The following THSD7B variants were observed in gnomAD, a reference collection of about 807,000 sequenced individuals.
The protein encoded by THSD7B is thrombospondin type-1 domain-containing protein 7B.
THSD7B carries 138 observed loss-of-function variants against 213.6 expected under a neutral mutation model. The observed-to-expected ratio is 0.65, with a 90% CI of 0.56 to 0.74. THSD7B has a LOEUF of 0.74. Ranked by LOEUF, THSD7B falls within the 30% of genes least tolerant of loss-of-function variation. The pLI is 0.00. For missense variants in THSD7B, 1,931 were observed against 1,991.5 expected, an observed-to-expected ratio of 0.97 and a Z score of 0.58; for synonymous variants, 742 against 687.0, an observed-to-expected ratio of 1.08 and a Z score of -1.25.
intron 15 of THSD7B, among the ~76,000 whole-genome samples, chr2:137,518,461 C>T (rs547834955): frequency 1.3e-5 from 2 of 151,996 alleles, no homozygotes; most frequent in Non-Finnish European, 1.5e-5. Flanking sequence ...ATGGTTTGGC[C>T]GGTTGGTCAG....
intron 12 of THSD7B, among the ~76,000 whole-genome samples, chr2:137,306,206 G>C (rs1015394490): frequency 6.6e-6 from 1 of 152,076 alleles, no homozygotes; most frequent in East Asian, 1.9e-4. Flanking sequence ...GTGCTGTGAT[G>C]TTAGGACGTT....
intron 2 of THSD7B, among the ~76,000 whole-genome samples, chr2:136,918,958 G>A (rs560993285): frequency 2.6e-5 from 4 of 152,256 alleles, no homozygotes; most frequent in Admixed American, 2.6e-4. Flanking sequence ...TGGGTCTGGG[G>A]TGACTTTGTA....
chr2:137,659,690 G>T lies in THSD7B; in HGVS notation c.4402G>T (p.Ala1468Ser). 1 of 1,604,084 alleles carries T rather than the reference G, an allele frequency of 6.2e-7. No individual in the cohort carries two copies. The highest frequency in any genetic ancestry group is 8.5e-7 in the Non-Finnish European group (1 of 1,175,082). The change falls in exon 25 of 28, where the codon GCT becomes TCT. Residue 1468 changes from alanine (A) to serine (S), a missense_variant. By Grantham distance (99) the Ala-to-Ser change is moderately conservative (BLOSUM62 1). Transcript: ENST00000409968. ...AGGCTGCTCCCCTCAGGCCCGTCCTGCTGCCATTCGGCAGTGCATTCCAGC... is the reference window on the plus strand; with the variant it reads ...AGGCTGCTCCCCTCAGGCCCGTCCTTCTGCCATTCGGCAGTGCATTCCAGC... ...TGGCSPQARP[A>S]AIRQCIPACR...
At chr2:137,377,587 A>C (rs1304399524) in intron 12 of THSD7B, among the ~76,000 whole-genome samples, 1 of 152,114 alleles carries the variant, frequency 6.6e-6, no homozygotes, top group African/African-American at 2.4e-5. Flanking sequence ...CAGAATATTT[A>C]AATTATGAAT....
At chr2:136,831,567 C>T (rs976536654) in intron 1 of THSD7B, among the ~76,000 whole-genome samples, 1 of 152,202 alleles carries the variant, frequency 6.6e-6, no homozygotes, top group African/African-American at 2.4e-5. Context: ...CCAAAATGCA[C>T]AACAAGGCCA....
At chr2:137,130,422 C>T (rs1478673017) in intron 5 of THSD7B, among the ~76,000 whole-genome samples, 2 of 151,874 alleles carry the variant, frequency 1.3e-5, no homozygotes, top group African/African-American at 4.8e-5. Context: ...TACATGTGCA[C>T]AATGTGCAGG....
intron 7 of THSD7B, among the ~76,000 whole-genome samples, chr2:137,186,582 G>C (rs1250116165): frequency 2.0e-5 from 3 of 151,964 alleles, no homozygotes; most frequent in Non-Finnish European, 2.9e-5. Flanking sequence ...GTCTGTGTTT[G>C]TACCCATACT....
intron 14 of THSD7B, among the ~76,000 whole-genome samples, chr2:137,416,350 A>G (rs569958118): frequency 1.1e-4 from 17 of 152,276 alleles, no homozygotes; most frequent in African/African-American, 3.6e-4. Flanking sequence ...TTCACCTGGC[A>G]TGCCCTTTTT....
chr2:137,667,402 CTAA>C (rs1471321480), intron 26 of THSD7B, among the ~76,000 whole-genome samples: 6 of 152,024 alleles, frequency 3.9e-5, no homozygotes, highest in Non-Finnish European at 8.8e-5. Flanking sequence ...AAGTTACAAC[CTAA>C]TGTTTTTGAG....
chr2:137,589,374 A>G (rs1467847452), intron 17 of THSD7B, among the ~76,000 whole-genome samples: 1 of 152,210 alleles, frequency 6.6e-6, no homozygotes, highest in African/African-American at 2.4e-5. Context: ...TCATATAAAT[A>G]AAACTTTAGT....
At chr2:137,642,287 A>T (rs564104541) in intron 20 of THSD7B, 1 of 533,878 alleles carries the variant, frequency 1.9e-6, no homozygotes, top group Non-Finnish European at 3.2e-6. Context: ...AGAATTTCAG[A>T]TCCTTTAAGC....
chr2:137,668,472 T>C (rs4954525), intron 27 of THSD7B, among the ~76,000 whole-genome samples: 50,883 of 150,496 alleles, frequency 0.34, 8,889 homozygotes, highest in South Asian at 0.39. Context: ...TTTTGTAAAG[T>C]GACTAGTTCT....
intron 20 of THSD7B, among the ~76,000 whole-genome samples, chr2:137,633,596 T>G (rs893223609): frequency 1.3e-5 from 2 of 152,138 alleles, no homozygotes; most frequent in African/African-American, 2.4e-5. Context: ...CCTGTATCAT[T>G]TCACAAAAAA....
chr2:137,657,741 G>A (rs1366627313), intron 24 of THSD7B, among the ~76,000 whole-genome samples: 2 of 152,088 alleles, frequency 1.3e-5, no homozygotes, highest in African/African-American at 2.4e-5. Context: ...CATTCATGAT[G>A]GCAGATACCA....
chr2:137,675,674 C>T (rs1374822796), intron 27 of THSD7B, among the ~76,000 whole-genome samples: 3 of 151,720 alleles, frequency 2.0e-5, no homozygotes, highest in South Asian at 2.1e-4. Context: ...TAGTATGCAT[C>T]GAATAAGCAA....
chr2:136,796,330 A>T (rs1452519154), intron 1 of THSD7B, among the ~76,000 whole-genome samples: 1 of 151,926 alleles, frequency 6.6e-6, no homozygotes, highest in Non-Finnish European at 1.5e-5. Context: ...GTCTTTGAGG[A>T]CACTTTCACT....
intron 20 of THSD7B, among the ~76,000 whole-genome samples, chr2:137,631,144 C>T (rs563844416): frequency 1.3e-5 from 2 of 152,288 alleles, no homozygotes; most frequent in Non-Finnish European, 2.9e-5. Context: ...ATTTCAAGGT[C>T]AGAACAGTTT....
intron 12 of THSD7B, among the ~76,000 whole-genome samples, chr2:137,378,394 ATATT>A (rs745883702): frequency 1.5e-4 from 23 of 152,154 alleles, no homozygotes; most frequent in Non-Finnish European, 2.4e-4. Context: ...CTCAGAGTGT[ATATT>A]TATTTGGTCC....
chr2:136,847,708 A>T (rs1324085429), intron 1 of THSD7B, among the ~76,000 whole-genome samples: 1 of 152,180 alleles, frequency 6.6e-6, no homozygotes, highest in Non-Finnish European at 1.5e-5. Context: ...CCACCAAGGC[A>T]GTCTACCTAC....
Sources: allele counts gnomAD v4.1 joint callset (sites outside exome capture counted in the v4.1 genomes callset), GRCh38; gene constraint gnomAD v4.1.1; transcripts MANE v1.5; gene names NCBI Gene and HGNC (gene_info 2026-07-23, HGNC 2026-07-21).